The following SDK2 variants were observed in gnomAD, a reference collection of about 807,000 sequenced individuals.
SDK2 encodes the protein sidekick cell adhesion molecule 2.
Under a neutral mutation model 253.9 loss-of-function variants are expected in SDK2, and 105 were observed. The observed-to-expected ratio is 0.41, with a 90% CI of 0.35 to 0.49. SDK2 has a LOEUF of 0.49. SDK2 is among the 20% of genes least tolerant of loss of function. The pLI, the probability that SDK2 is intolerant of heterozygous loss-of-function variation, is 0.06. For missense variants in SDK2, 2,608 were observed against 3,003.0 expected (o/e 0.87, Z 3.07); for synonymous variants, 1,249 against 1,234.9 (o/e 1.01, Z -0.24).
At chr17:73,391,605 C>T (rs576082510) in intron 27 of SDK2, 67 bp from the exon 28 acceptor site, 13 of 857,464 alleles carry the variant, frequency 1.5e-5, no homozygotes, top group Admixed American at 1.3e-4. Flanking sequence ...GAGCCCAGCT[C>T]GGGCAGAGCA....
At chr17:73,449,815 C>T (rs1279416375) in intron 4 of SDK2, among the ~76,000 whole-genome samples, 2 of 151,946 alleles carry the variant, frequency 1.3e-5, no homozygotes, top group African/African-American at 4.8e-5. Context: ...CCCAGCTACT[C>T]GGGAGGCTGA....
rs760122266 is a variant in SDK2 at position 73,368,554 on chromosome 17, G to A, written c.5020C>T (p.Arg1674Ter). 1.2e-6 allele frequency: 2 copies of A among 1,603,672 alleles called. No individual in the cohort carries two copies. The highest frequency in any genetic ancestry group is 8.5e-7 in the Non-Finnish European group (1 of 1,175,736). The change falls in exon 37 of 45, where the codon CGA (arginine) becomes TGA (stop). Residue 1674 changes from arginine (R) to a stop codon, truncating the protein, a stop_gained. Coordinates refer to ENST00000392650, the MANE Select transcript of SDK2 (RefSeq NM_001144952.2). LOFTEE classifies it high-confidence loss of function. ...WEAQRGNLTE[R>*]VKTLFLAENS... ...TCAGCCAGGAAAAGCGTCTTCACTC[G>A]CTCTGTGAGGTTCCCCCGCTGGGCT...
chr17:73,358,050 G>C (rs1247026159), intron 40 of SDK2, 29 bp downstream of exon 40: 5 of 1,612,694 alleles, frequency 3.1e-6, no homozygotes, highest in Non-Finnish European at 4.2e-6. Flanking sequence ...ATGAGCTGTG[G>C]GGTCTCAGCC....
chr17:73,455,992 G>A lies in SDK2; in HGVS notation c.393C>T (p.Val131=). Residue 131 remains valine, a synonymous_variant, in exon 4 of 45, where the codon GTC becomes GTT. Transcript: ENST00000392650. The surrounding 1 kb of genome is among the most constrained non-coding windows in gnomAD (Gnocchi z 5.0). Reference sequence around the variant, plus strand: ...AGCTGGCGATGCGCGGGGCACGGATGACAGCTGCTTCTCCGTGGGAGACGC... The same window carrying A: ...AGCTGGCGATGCGCGGGGCACGGATAACAGCTGCTTCTCCGTGGGAGACGC... ...HQSVSHGEAA[V]IRAPRIASFP... 1 of 1,547,372 alleles carries A rather than the reference G, an allele frequency of 6.5e-7. No homozygotes were observed. Among genetic ancestry groups the A allele is most frequent in the South Asian group, 1.2e-5 (1 of 83,752 alleles).
rs2063520631 is a variant in SDK2, at chr17:73,455,663, T to C, written c.479+243A>G. ...AGCAGATTTATTCTCCAGCTGATGG[T>C]GGAGGCAACGCCCTGGGATTCCCCA... On this transcript the variant is annotated intron_variant, in intron 4 of 44. Coordinates refer to ENST00000392650, the MANE Select transcript of SDK2 (RefSeq NM_001144952.2). This position sits in a 1 kb window ranked among gnomAD's most constrained non-coding sequence, Gnocchi z 5.0. 1.3e-5 allele frequency among the ~76,000 whole-genome samples: 2 copies of C among 152,126 alleles called. No individual in the cohort carries two copies. The highest frequency in any genetic ancestry group is 4.8e-5 in the African/African-American group (2 of 41,424).
intron 1 of SDK2, among the ~76,000 whole-genome samples, chr17:73,529,205 G>C (rs1375985805): frequency 6.6e-6 from 1 of 152,194 alleles, no homozygotes; most frequent in East Asian, 1.9e-4. Flanking sequence ...ATGCATGAGT[G>C]GGAACCGGGG....
chr17:73,350,496 T>G, intron 42 of SDK2, 121 bp from the exon 43 acceptor site: 1 of 1,439,072 alleles, frequency 6.9e-7, no homozygotes, highest in Non-Finnish European at 9.3e-7. Flanking sequence ...AAATAAGAGA[T>G]TGAGATTGTG....
intron 1 of SDK2, among the ~76,000 whole-genome samples, chr17:73,636,612 T>G (rs1599743558): frequency 7.8e-6 from 1 of 128,428 alleles, no homozygotes; most frequent in African/African-American, 3.0e-5. Context: ...ACTTGGGAGG[T>G]GAAGGTTGCA....
In SDK2 at chr17:73,419,150, C is replaced by G; in HGVS notation, c.2186+16G>C. 1.2e-6 allele frequency: 2 copies of G among 1,610,272 alleles called. No individual in the cohort carries two copies. The highest frequency in any genetic ancestry group is 1.7e-6 in the Non-Finnish European group (2 of 1,178,578). On this transcript the variant is annotated intron_variant, in intron 16 of 44. Transcript: ENST00000392650. ...CCCCTTGGGACTGGGCTCCTGTCCC[C>G]AGGGTGGACACCCACCTGATGATGT... is the stretch of plus-strand genomic sequence containing the variant.
intron 12 of SDK2, 50 bp from the exon 13 acceptor site, chr17:73,424,142 G>A: frequency 6.6e-7 from 1 of 1,508,538 alleles, no homozygotes; most frequent in Non-Finnish European, 9.0e-7. Context: ...AGGTACCTTG[G>A]GAGTGGGCCT....
intron 1 of SDK2, among the ~76,000 whole-genome samples, chr17:73,631,114 C>T (rs2046263695): frequency 6.6e-6 from 1 of 152,168 alleles, no homozygotes; most frequent in African/African-American, 2.4e-5. Flanking sequence ...AGAGCCATCA[C>T]ATCAACACTG....
chr17:73,637,207 A>G (rs536566065), intron 1 of SDK2, among the ~76,000 whole-genome samples: 9 of 152,222 alleles, frequency 5.9e-5, no homozygotes, highest in African/African-American at 1.7e-4. Context: ...TGCAGAGACC[A>G]CAATGTCTTC....
intron 1 of SDK2, among the ~76,000 whole-genome samples, chr17:73,549,534 T>C (rs1266638347): frequency 6.6e-6 from 1 of 151,970 alleles, no homozygotes; most frequent in Non-Finnish European, 1.5e-5. Flanking sequence ...AGAGGAAGTC[T>C]TGGTAAGGTG....
intron 1 of SDK2, among the ~76,000 whole-genome samples, chr17:73,597,358 A>C (rs1466555185): frequency 6.6e-6 from 1 of 152,098 alleles, no homozygotes; most frequent in Non-Finnish European, 1.5e-5. Flanking sequence ...GCCAGGTATG[A>C]CCCTCTGACC....
rs976232621 is a variant in SDK2, at chr17:73,352,402, C to G, written c.5758+71G>C. The G allele has an allele frequency of 6.5e-7, 1 of 1,530,238 alleles. No homozygotes were observed. The highest frequency in any genetic ancestry group is 2.0e-5 in the Admixed American group (1 of 50,712). The allele number at this position is 1,530,238 out of a possible 1,614,324, so 94.8% of individuals were successfully genotyped here. On this transcript the variant is annotated intron_variant, in intron 41 of 44. Coordinates refer to ENST00000392650, the MANE Select transcript of SDK2 (RefSeq NM_001144952.2). This position sits in a 1 kb window ranked among gnomAD's most constrained non-coding sequence, Gnocchi z 4.1. ...GGTGCCCTGGTGCCTCTCCTCCTTCCGCCCTGCCCAGTGTCAGCCCCCAGG... is the reference window on the plus strand; with the variant it reads ...GGTGCCCTGGTGCCTCTCCTCCTTCGGCCCTGCCCAGTGTCAGCCCCCAGG...
chr17:73,617,283 G>T (rs1399182595), intron 1 of SDK2, among the ~76,000 whole-genome samples: 1 of 148,974 alleles, frequency 6.7e-6, no homozygotes, highest in African/African-American at 2.5e-5. Context: ...GGCTCCAGGG[G>T]AGGGGAGAGG....
At chr17:73,490,122 C>T (rs1384975637) in intron 2 of SDK2, among the ~76,000 whole-genome samples, 1 of 152,122 alleles carries the variant, frequency 6.6e-6, no homozygotes, top group Non-Finnish European at 1.5e-5. Flanking sequence ...TCAGAGCCGC[C>T]CTGCTCTCTG....
At chr17:73,436,890 G>T (rs2063374181) in intron 8 of SDK2, among the ~76,000 whole-genome samples, 1 of 152,162 alleles carries the variant, frequency 6.6e-6, no homozygotes, top group African/African-American at 2.4e-5. Context: ...TAGATGAGAT[G>T]AAATAAGTTC....
At chr17:73,502,569 G>A (rs942484640) in intron 2 of SDK2, among the ~76,000 whole-genome samples, 3 of 152,216 alleles carry the variant, frequency 2.0e-5, no homozygotes, top group South Asian at 2.1e-4. Flanking sequence ...AATGTCATGC[G>A]TGGATTAAAG....
Sources: gnomAD v4.1 joint callset for allele counts (sites outside exome capture counted in the v4.1 genomes callset) on GRCh38, gnomAD v4.1.1 for gene constraint, Gnocchi (gnomAD v3.1) non-coding constraint, MANE v1.5 for transcripts, NCBI Gene and HGNC (gene_info 2026-07-23, HGNC 2026-07-21) for gene names.